The following MMP2 variants were observed in gnomAD, a reference collection of about 807,000 sequenced individuals.
MMP2 encodes the protein 72 kDa type IV collagenase.
Under a neutral mutation model 74.8 loss-of-function variants are expected in MMP2, and 39 were observed. That is an observed-to-expected ratio of 0.52 (90% CI 0.40 to 0.68). The LOEUF is 0.68. Among genes scored for constraint, MMP2 ranks in the 30% least tolerant of loss-of-function variants. MMP2 has a pLI of 0.00. For missense variants in MMP2, 803 were observed against 878.3 expected (o/e 0.91, Z 1.08); for synonymous variants, 367 against 339.8 (o/e 1.08, Z -0.88).
rs2142348758 is a variant in MMP2 at position 55,485,615 on chromosome 16, A to C, written c.670A>C (p.Lys224Gln). ...ATGTCACTCTTTAGTGGTCCGTGTGAAGTATGGGAACGCCGATGGGGAGTA... is the reference window on the plus strand; with the variant it reads ...ATGTCACTCTTTAGTGGTCCGTGTGCAGTATGGGAACGCCGATGGGGAGTA... ...TLGEGQVVRV[K>Q]YGNADGEYCK... The change falls in exon 5 of 13, where the codon AAG (lysine) becomes CAG (glutamine). Residue 224 changes from lysine to glutamine, a missense_variant. Lys to Gln is a moderately conservative substitution (Grantham distance 53). This residue lies in a region of MMP2 where 555 missense variants were observed against 592.0 expected (regional missense o/e 0.94). Coordinates refer to ENST00000219070, the MANE Select transcript of MMP2 (RefSeq NM_004530.6). 6.2e-7 allele frequency: 1 copy of C among 1,614,092 alleles called. No homozygotes were observed. The highest frequency in any genetic ancestry group is 8.5e-7 in the Non-Finnish European group (1 of 1,180,004).
Position 55,502,807 on chromosome 16 carries a change from C to A in MMP2, c.1798C>A (p.Pro600Thr), listed in dbSNP as rs183330767. Residue 600 changes from proline to threonine, a missense_variant, in exon 12 of 13, where the codon CCT becomes ACT. By Grantham distance (38) the Pro-to-Thr change is conservative. Around this residue, in one of 3 missense-constraint regions of MMP2, gnomAD observed 555 missense variants for 592.0 expected, o/e 0.94. Transcript: ENST00000219070. The stretch of plus-strand genomic sequence containing the variant: ...CAATGAGGTGAAGAAGAAAATGGAT[C>A]CTGGCTTCCCCAAGCTCATCGCAGA... ...RYNEVKKKMD[P>T]GFPKLIADAW... 2.5e-6 allele frequency: 4 copies of A among 1,614,072 alleles called. No homozygotes were observed. The Admixed American group carries it at 6.7e-5, about 27-fold the overall frequency.
rs140079276 is a variant in MMP2, at chr16:55,489,639, C to A, written c.1007-12C>A. 4.3e-6 allele frequency: 7 copies of A among 1,613,848 alleles called. No individual in the cohort carries two copies. In the African/African-American group the frequency reaches 6.7e-5, roughly 15 times the overall value. ...CTTTGCTGCGCCTTGACCCGTATCCCTAACCCCACAGCCATGTCCACTGTT... is the reference window on the plus strand; with the variant it reads ...CTTTGCTGCGCCTTGACCCGTATCCATAACCCCACAGCCATGTCCACTGTT... On this transcript the variant is annotated splice_polypyrimidine_tract_variant and intron_variant, in intron 6 of 12. Coordinates refer to ENST00000219070, the MANE Select transcript of MMP2 (RefSeq NM_004530.6).
upstream of MMP2, chr16:55,478,929 G>A (rs1386803911): frequency 6.6e-6 from 1 of 152,446 alleles, no homozygotes; most frequent in Non-Finnish European, 1.5e-5. Context: ...TTTCCCAGCA[G>A]GGGGTTCTGA....
At chr16:55,499,020 T>A (rs920133373) in intron 11 of MMP2, among the ~76,000 whole-genome samples, 4 of 151,846 alleles carry the variant, frequency 2.6e-5, no homozygotes, top group African/African-American at 4.8e-5. Flanking sequence ...TGCAAAAAAA[T>A]TAGCTGGACA....
Position 55,506,417 on chromosome 16 carries a change from C to A in MMP2, c.*975C>A, listed in dbSNP as rs1266492955. 2.0e-5 allele frequency: 3 copies of A among 152,100 alleles called. No homozygotes were observed. The highest frequency in any genetic ancestry group is 4.4e-5 in the Non-Finnish European group (3 of 68,024). The allele number at this position is 152,100 out of a possible 1,614,324, so 9.4% of individuals were successfully genotyped here. On this transcript the variant is annotated 3_prime_UTR_variant, in exon 13 of 13. Transcript: ENST00000219070. ...ACCTCAGGGAGAGTAAGCTCTAGTC[C>A]CTCTGTCCTGTAGAAAGAGCCCTGA...
At chr16:55,486,028 C>T (rs1362380628) in intron 5 of MMP2, among the ~76,000 whole-genome samples, 5 of 152,128 alleles carry the variant, frequency 3.3e-5, no homozygotes, top group Non-Finnish European at 5.9e-5. Context: ...TCACCATTAG[C>T]AATCATTTAG....
At chr16:55,485,565 T>C (rs1962223677) in intron 4 of MMP2, 39 bp from the exon 5 acceptor site, 2 of 1,613,350 alleles carry the variant, frequency 1.2e-6, no homozygotes, top group African/African-American at 1.3e-5. Flanking sequence ...AAAGAAGGCC[T>C]GGAGAAGTCC....
chr16:55,505,274 A>G (rs1268613318), intron 12 of MMP2, 65 bp from the exon 13 acceptor site: 2 of 1,371,372 alleles, frequency 1.5e-6, no homozygotes, highest in African/African-American at 2.9e-5. Context: ...CAAAGTTCCC[A>G]GGAACCTTCT....
rs1274033915 is a variant in MMP2 at position 55,499,715 on chromosome 16, A to T, written c.1769+1267A>T. On this transcript the variant is annotated intron_variant, in intron 11 of 12. Transcript: ENST00000219070. ...TAAATAACTTGTTCAAGCTATAGAG[A>T]TATGTGTATTTGCACAAAGCCAGGA... Among the ~76,000 whole-genome samples, 5 of 152,146 alleles carry T rather than the reference A, an allele frequency of 3.3e-5. No individual in the cohort carries two copies. The South Asian group carries it at 1.0e-3, about 32-fold the overall frequency.
chr16:55,488,507 C>A, intron 5 of MMP2, 36 bp from the exon 6 acceptor site: 1 of 1,601,438 alleles, frequency 6.2e-7, no homozygotes, highest in Non-Finnish European at 8.5e-7. Context: ...GGAAGCATGT[C>A]TCATTCACAT....
intron 9 of MMP2, among the ~76,000 whole-genome samples, chr16:55,493,829 G>A (rs549445824): frequency 3.9e-4 from 59 of 152,340 alleles, no homozygotes; most frequent in African/African-American, 1.3e-3. Context: ...CTAGAATGGC[G>A]TTGCCCTCAA....
chr16:55,500,512 C>CACACACACACACACACACACACACAA (rs1962642861), intron 11 of MMP2, among the ~76,000 whole-genome samples: 1 of 140,420 alleles, frequency 7.1e-6, no homozygotes, highest in Non-Finnish European at 1.6e-5. Flanking sequence ...CACACACACA[C>CACACACACACACACACACACACACAA]ACACACACAC....
At chr16:55,485,539 C>T in intron 4 of MMP2, 65 bp from the exon 5 acceptor site, 6 of 1,610,878 alleles carry the variant, frequency 3.7e-6, no homozygotes, top group Non-Finnish European at 5.1e-6. Context: ...CTGGGTGAGT[C>T]AGAATCTTGG....
At chr16:55,505,134 C>T (rs1393711709) in intron 12 of MMP2, among the ~76,000 whole-genome samples, 1 of 151,854 alleles carries the variant, frequency 6.6e-6, no homozygotes, top group South Asian at 2.1e-4. Context: ...ATATGTTTTT[C>T]GTAGAAATGG....
chr16:55,494,228 A>G (rs2142362610), intron 9 of MMP2, among the ~76,000 whole-genome samples: 1 of 152,316 alleles, frequency 6.6e-6, no homozygotes, highest in African/African-American at 2.4e-5. Flanking sequence ...GAATTCTGTA[A>G]CTGCTACTTA....
rs180832352 is a variant in MMP2 at position 55,483,895 on chromosome 16, G to T, written c.381-121G>T. 8.9e-5 allele frequency: 92 copies of T among 1,033,186 alleles called. 1 individual carries two copies. Among genetic ancestry groups the T allele is most frequent in the Non-Finnish European group, 1.1e-4 (70 of 665,660 alleles). The allele number at this position is 1,033,186 out of a possible 1,614,324, so 64.0% of individuals were successfully genotyped here. On this transcript the variant is annotated intron_variant, in intron 2 of 12. Transcript: ENST00000219070. ...CCTTCCCGTGCTTGTGCATATACTTGTATGTTCACATACACACACACACTC... is the reference window on the plus strand; with the variant it reads ...CCTTCCCGTGCTTGTGCATATACTTTTATGTTCACATACACACACACACTC...
Position 55,483,139 on chromosome 16 carries a change from C to T in MMP2, c.380+4C>T, listed in dbSNP as rs1014107271. The T allele has an allele frequency of 1.2e-6, 2 of 1,611,422 alleles. No individual in the cohort carries two copies. The highest frequency in any genetic ancestry group is 1.1e-5 in the South Asian group (1 of 90,966). On this transcript the variant is annotated splice_donor_region_variant and intron_variant, in intron 2 of 12. Coordinates refer to ENST00000219070, the MANE Select transcript of MMP2 (RefSeq NM_004530.6). ...ACAAGAACCAGATCACATACAGGTG[C>T]CGGGGCAGGGCTTGGGGAGGCAGGG...
At chr16:55,485,466 C>G (rs1279112005) in intron 4 of MMP2, 39 bp downstream of exon 4, 1 of 1,613,984 alleles carries the variant, frequency 6.2e-7, no homozygotes. Context: ...GACCTTCTCT[C>G]CTGTCCTCTC....
In MMP2 at chr16:55,505,359, G is replaced by A. The variant is rs1203449511; in HGVS notation, c.1900G>A (p.Gly634Ser). 2 of 1,614,028 alleles carry A rather than the reference G, an allele frequency of 1.2e-6. No homozygotes were observed. The highest frequency in any genetic ancestry group is 1.1e-5 in the South Asian group (1 of 91,072). ...QGGGHSYFFK[G>S]AYYLKLENQS... ...CCCAGGTCACAGCTACTTCTTCAAGGGTGCCTATTACCTGAAGCTGGAGAA... is the reference window on the plus strand; with the variant it reads ...CCCAGGTCACAGCTACTTCTTCAAGAGTGCCTATTACCTGAAGCTGGAGAA... The change falls in exon 13 of 13, where the codon GGT becomes AGT. Residue 634 changes from glycine (G) to serine (S), a missense_variant. By Grantham distance (56) the Gly-to-Ser change is moderately conservative (BLOSUM62 0). Around this residue, in one of 3 missense-constraint regions of MMP2, gnomAD observed 555 missense variants for 592.0 expected, o/e 0.94. Coordinates refer to ENST00000219070, the MANE Select transcript of MMP2 (RefSeq NM_004530.6).
Sources: gnomAD v4.1 joint callset for allele counts (sites outside exome capture counted in the v4.1 genomes callset) on GRCh38, gnomAD v4.1.1 for gene constraint, gnomAD v4.1.1 regional missense constraint, MANE v1.5 for transcripts, NCBI Gene and HGNC (gene_info 2026-07-23, HGNC 2026-07-21) for gene names.